TTC17: variants seen among roughly 807,000 people sequenced by gnomAD.
TTC17 encodes tetratricopeptide repeat protein 17.
Under a neutral mutation model 143.8 loss-of-function variants are expected in TTC17, and 58 were observed. The ratio of observed to expected loss-of-function variants is 0.40; its 90% CI spans 0.33 to 0.50. The LOEUF is 0.50. Among genes scored for constraint, TTC17 ranks in the 20% least tolerant of loss-of-function variants. The pLI, the probability that TTC17 is intolerant of heterozygous loss-of-function variation, is 0.49. For synonymous variants in TTC17, 501 were observed against 497.8 expected (o/e 1.01, Z -0.09); for missense variants, 1,273 against 1,392.5 (o/e 0.91, Z 1.37).
chr11:43,491,389 C>G (rs1176559497), intron 22 of TTC17: 2 of 152,250 alleles, frequency 1.3e-5, no homozygotes, highest in Non-Finnish European at 2.9e-5. Context: ...GGCTGAGGCT[C>G]TACCTCTGGG....
intron 21 of TTC17, among the ~76,000 whole-genome samples, chr11:43,469,406 T>C (rs1041029098): frequency 2.0e-5 from 3 of 152,008 alleles, no homozygotes; most frequent in African/African-American, 7.3e-5. Context: ...CACAAAATAC[T>C]TGGAAAAAAA....
chr11:43,391,733 A>G, intron 4 of TTC17, 88 bp from the exon 5 acceptor site: 2 of 1,488,266 alleles, frequency 1.3e-6, no homozygotes, highest in Non-Finnish European at 1.8e-6. Flanking sequence ...AAATATTAGT[A>G]TTTCAAAATA....
At chr11:43,484,090 C>T (rs978264974) in intron 21 of TTC17, among the ~76,000 whole-genome samples, 1 of 151,996 alleles carries the variant, frequency 6.6e-6, no homozygotes, top group African/African-American at 2.4e-5. Context: ...TGCAGTGAGC[C>T]GAGATTGTGT....
At chr11:43,480,988 A>G (rs539001223) in intron 21 of TTC17, among the ~76,000 whole-genome samples, 21 of 152,280 alleles carry the variant, frequency 1.4e-4, no homozygotes, top group African/African-American at 4.8e-4. Flanking sequence ...AAGGAACTGC[A>G]TATTTTTATG....
chr11:43,366,345 A>C (rs1856342124), intron 1 of TTC17, among the ~76,000 whole-genome samples: 1 of 151,906 alleles, frequency 6.6e-6, no homozygotes, highest in Non-Finnish European at 1.5e-5. Flanking sequence ...TCTCTACTAA[A>C]ATACCAAAAA....
intron 12 of TTC17, 37 bp from the exon 13 acceptor site, chr11:43,405,749 T>G: frequency 6.2e-7 from 1 of 1,612,416 alleles, no homozygotes; most frequent in Non-Finnish European, 8.5e-7. Flanking sequence ...CACCCAAACT[T>G]TGAAAATATG....
chr11:43,432,203 G>A (rs1251770296), intron 16 of TTC17, among the ~76,000 whole-genome samples: 2 of 146,360 alleles, frequency 1.4e-5, no homozygotes, highest in African/African-American at 5.1e-5. Flanking sequence ...GATAAATTGT[G>A]ACTTTACCCG....
At chr11:43,417,352 G>T (rs887434280) in intron 16 of TTC17, among the ~76,000 whole-genome samples, 6 of 152,106 alleles carry the variant, frequency 3.9e-5, no homozygotes, top group African/African-American at 1.4e-4. Flanking sequence ...GAAATCAGAT[G>T]ATTCTGTTTG....
chr11:43,364,448 G>A (rs1217044804), intron 1 of TTC17, among the ~76,000 whole-genome samples: 1 of 152,170 alleles, frequency 6.6e-6, no homozygotes, highest in East Asian at 1.9e-4. Flanking sequence ...ATGGCACTGT[G>A]AAGCTGACAG....
At chr11:43,381,387 G>GCAGACTATAGTA (rs1442704281) in intron 2 of TTC17, among the ~76,000 whole-genome samples, 1 of 152,168 alleles carries the variant, frequency 6.6e-6, no homozygotes, top group Non-Finnish European at 1.5e-5. Context: ...AAGGCCAGGA[G>GCAGACTATAGTA]CAGACTATAG....
chr11:43,388,947 C>T (rs1857274602), intron 2 of TTC17, among the ~76,000 whole-genome samples: 1 of 151,170 alleles, frequency 6.6e-6, no homozygotes, highest in Admixed American at 6.6e-5. Flanking sequence ...CTGCACTCAG[C>T]CTGAGTGACA....
intron 2 of TTC17, among the ~76,000 whole-genome samples, chr11:43,388,075 A>G (rs1036070859): frequency 3.9e-5 from 6 of 152,322 alleles, no homozygotes; most frequent in African/African-American, 1.4e-4. Flanking sequence ...TATGACCCCC[A>G]TATTTCTGCC....
At chr11:43,395,806 A>C (rs1035386390) in intron 5 of TTC17, among the ~76,000 whole-genome samples, 1 of 152,218 alleles carries the variant, frequency 6.6e-6, no homozygotes, top group Admixed American at 6.5e-5. Context: ...AGAGTCACTG[A>C]AAATCTATAA....
chr11:43,428,787 T>C (rs1590403458), intron 16 of TTC17, among the ~76,000 whole-genome samples: 1 of 152,206 alleles, frequency 6.6e-6, no homozygotes, highest in East Asian at 1.9e-4. Flanking sequence ...CACACACACA[T>C]ACACATTCAT....
At chr11:43,361,454 C>G (rs1856101183) in intron 1 of TTC17, among the ~76,000 whole-genome samples, 1 of 152,218 alleles carries the variant, frequency 6.6e-6, no homozygotes, top group Non-Finnish European at 1.5e-5. Flanking sequence ...GTAGCTTAGC[C>G]TAACCTACCT....
chr11:43,448,809 C>A (rs1284509156), intron 19 of TTC17: 1 of 152,102 alleles, frequency 6.6e-6, no homozygotes, highest in Non-Finnish European at 1.5e-5. Flanking sequence ...AATTTTCTTG[C>A]CCACTCTCCA....
At chr11:43,436,223 T>C (rs1448679555) in intron 16 of TTC17, 3 of 1,483,662 alleles carry the variant, frequency 2.0e-6, no homozygotes, top group Non-Finnish European at 2.7e-6. Flanking sequence ...TTTTGACAAC[T>C]CACAGTCACT....
At chr11:43,455,959 A>G (rs1310959414) in intron 21 of TTC17, among the ~76,000 whole-genome samples, 2 of 152,232 alleles carry the variant, frequency 1.3e-5, no homozygotes, top group Non-Finnish European at 2.9e-5. Flanking sequence ...GTAAAATAGT[A>G]GCAAACATAA....
chr11:43,414,631 G>A lies in TTC17; in HGVS notation c.2106G>A (p.Leu702=). The A allele has an allele frequency of 6.2e-7, 1 of 1,613,240 alleles. No individual in the cohort carries two copies. The highest frequency in any genetic ancestry group is 8.5e-7 in the Non-Finnish European group (1 of 1,179,582). The stretch of plus-strand genomic sequence containing the variant: ...GCCTGGGAAATGCTTACCTTGCTCT[G>A]AAGAATATCAGTGGGGCACTTGAGG... ...FLSLGNAYLA[L]KNISGALEAF... Residue 702 remains leucine, a synonymous_variant, in exon 16 of 24, where the codon CTG becomes CTA. Coordinates refer to ENST00000039989, the MANE Select transcript of TTC17 (RefSeq NM_018259.6).
Sources: gnomAD v4.1 joint callset for allele counts (sites outside exome capture counted in the v4.1 genomes callset) on GRCh38, gnomAD v4.1.1 for gene constraint, MANE v1.5 for transcripts, NCBI Gene and HGNC (gene_info 2026-07-23, HGNC 2026-07-21) for gene names.